Variants in CLEC17A observed in about 807,000 individuals in gnomAD.
The protein encoded by CLEC17A is C-type lectin domain family 17, member A.
In CLEC17A, 37 loss-of-function variants were observed where a neutral mutation model predicts 61.3. That is an observed-to-expected ratio of 0.60 (90% CI 0.46 to 0.79). CLEC17A has a LOEUF of 0.79. Among genes scored for constraint, CLEC17A ranks in the 30% least tolerant of loss-of-function variants. The probability of loss-of-function intolerance (pLI) is 0.00; values close to 1 mark genes in which losing one functional copy is unlikely to be tolerated. For synonymous variants in CLEC17A, 168 were observed against 164.9 expected (o/e 1.02, Z -0.14); for missense variants, 418 against 464.7 (o/e 0.90, Z 0.92).
At chr19:14,582,942 C>T, upstream of CLEC17A, 1 of 549,044 alleles carries the variant, frequency 1.8e-6, no homozygotes, top group Non-Finnish European at 3.3e-6. Context: ...TGAATCCAAA[C>T]TGGGGAGAAA....
intron 12 of CLEC17A, among the ~76,000 whole-genome samples, chr19:14,601,415 G>T (rs1243490241): frequency 6.6e-6 from 1 of 152,162 alleles, no homozygotes; most frequent in Admixed American, 6.6e-5. Flanking sequence ...TAGCTTTAAT[G>T]ATTTGCTACT....
intron 12 of CLEC17A, among the ~76,000 whole-genome samples, chr19:14,602,474 TG>T (rs938871542): frequency 6.6e-6 from 1 of 152,084 alleles, no homozygotes; most frequent in African/African-American, 2.4e-5. Context: ...TAACATTTTT[TG>T]TAGAGATGAG....
At chr19:14,583,541 C>T (rs1339622844) in intron 2 of CLEC17A, 107 bp downstream of exon 2, 1 of 1,551,876 alleles carries the variant, frequency 6.4e-7, no homozygotes, top group Non-Finnish European at 8.7e-7. Context: ...CTGTATCCAG[C>T]CCATGCCGGG....
intron 13 of CLEC17A, among the ~76,000 whole-genome samples, 199 bp from the exon 14 acceptor site, chr19:14,609,865 C>A (rs753928782): frequency 2.7e-4 from 41 of 151,086 alleles, no homozygotes; most frequent in Admixed American, 1.3e-3. Flanking sequence ...AAACAAAAAA[C>A]CCCCCAAAAC....
At chr19:14,595,437 G>T in intron 8 of CLEC17A, 122 bp downstream of exon 8, 1 of 1,059,088 alleles carries the variant, frequency 9.4e-7, no homozygotes, top group South Asian at 1.4e-5. Context: ...TTCAGGACCT[G>T]CTGCACTGTT....
Position 14,600,182 on chromosome 19 carries a change from C to T in CLEC17A, c.894C>T (p.His298=), listed in dbSNP as rs773707951. 43 of 1,613,836 alleles carry T rather than the reference C, an allele frequency of 2.7e-5. No individual in the cohort carries two copies. The highest frequency in any genetic ancestry group is 3.1e-5 in the Non-Finnish European group (37 of 1,179,748). ...TCATCATCAATAGCTTTGCTGAGCA[C>T]GTGAGTTCTTCCCACTGAACCTTTG... ...HLVIINSFAE[H]NFVAKAHGSP... The change falls in exon 12 of 14, where the codon CAC becomes CAT. Residue 298 remains histidine, a splice_region_variant and synonymous_variant. Coordinates refer to ENST00000417570, the MANE Select transcript of CLEC17A (RefSeq NM_001204118.2).
chr19:14,598,767 G>A (rs1263337104), intron 10 of CLEC17A, among the ~76,000 whole-genome samples: 6 of 152,054 alleles, frequency 3.9e-5, no homozygotes, highest in African/African-American at 1.4e-4. Context: ...GAGCCACTGC[G>A]CCCGGCCTAG....
upstream of CLEC17A, among the ~76,000 whole-genome samples, chr19:14,581,311 A>G (rs1000969202): frequency 1.3e-5 from 2 of 152,138 alleles, no homozygotes; most frequent in Non-Finnish European, 2.9e-5. Context: ...GGAACCACAG[A>G]AATAATAATT....
chr19:14,600,009 C>T (rs1343717478), intron 11 of CLEC17A, 22 bp from the exon 12 acceptor site: 1 of 1,611,956 alleles, frequency 6.2e-7, no homozygotes, highest in Non-Finnish European at 8.5e-7. Context: ...GCCATCCTGA[C>T]AGCATTCTGT....
rs200257988 is a variant in CLEC17A, at chr19:14,583,422, C to T, written c.109C>T (p.Pro37Ser). The change falls in exon 2 of 14, where the codon CCT becomes TCT. Residue 37 changes from proline to serine, a missense_variant. Physicochemically the swap from Pro to Ser is moderately conservative, Grantham distance 74. Transcript: ENST00000417570. ...ENSTPPYKDL[P>S]PKPGTMEEEE... Reference sequence around the variant, plus strand: ...CTCAACACCTCCCTACAAGGACCTTCCTCCCAAGCCAGGTAAGAGGACTTT... The same window carrying T: ...CTCAACACCTCCCTACAAGGACCTTTCTCCCAAGCCAGGTAAGAGGACTTT... 6.2e-7 allele frequency: 1 copy of T among 1,612,508 alleles called. No homozygotes were observed. The highest frequency in any genetic ancestry group is 8.5e-7 in the Non-Finnish European group (1 of 1,179,218).
At position 14,583,394 on chromosome 19, in the gene CLEC17A, G is replaced by A; in HGVS notation, c.81G>A (p.Glu27=). The A allele has an allele frequency of 6.2e-7, 1 of 1,612,412 alleles. No individual in the cohort carries two copies. Among genetic ancestry groups the A allele is most frequent in the Non-Finnish European group, 8.5e-7 (1 of 1,179,232 alleles). ...MEEEEEDDDY[E]NSTPPYKDLP... ...AGGAGGAGGAGGATGATGACTATGA[G>A]AACTCAACACCTCCCTACAAGGACC... The change falls in exon 2 of 14, where the codon GAG becomes GAA. Residue 27 remains glutamate (E), a synonymous_variant. Transcript: ENST00000417570.
At chr19:14,604,944 T>C (rs1198798562) in intron 12 of CLEC17A, among the ~76,000 whole-genome samples, 2 of 152,082 alleles carry the variant, frequency 1.3e-5, no homozygotes, top group African/African-American at 2.4e-5. Flanking sequence ...GGGGCGAGTG[T>C]TACTCACACC....
chr19:14,590,280 C>A (rs1306557785), intron 3 of CLEC17A, among the ~76,000 whole-genome samples: 1 of 151,836 alleles, frequency 6.6e-6, no homozygotes, highest in Non-Finnish European at 1.5e-5. Flanking sequence ...CTGATGACCT[C>A]GCTACATTAG....
intron 7 of CLEC17A, 69 bp downstream of exon 7, chr19:14,594,869 A>G (rs2074505581): frequency 7.2e-7 from 1 of 1,384,482 alleles, no homozygotes; most frequent in East Asian, 2.4e-5. Context: ...CAATCCCCCA[A>G]TTTTTATTTA....
chr19:14,605,395 C>T (rs1458017125), intron 12 of CLEC17A, among the ~76,000 whole-genome samples: 2 of 151,516 alleles, frequency 1.3e-5, no homozygotes, highest in Non-Finnish European at 2.9e-5. Flanking sequence ...CGCGCCCGGC[C>T]ACCTCCCCAC....
At chr19:14,604,881 A>C (rs905171017) in intron 12 of CLEC17A, among the ~76,000 whole-genome samples, 8 of 152,246 alleles carry the variant, frequency 5.3e-5, no homozygotes, top group African/African-American at 1.9e-4. Flanking sequence ...CACATGAAAT[A>C]GATTATAGTA....
intron 3 of CLEC17A, among the ~76,000 whole-genome samples, chr19:14,589,550 C>T (rs2074365394): frequency 8.0e-6 from 1 of 125,360 alleles, no homozygotes; most frequent in Non-Finnish European, 1.6e-5. Context: ...CCTACTACAC[C>T]CTCCCGAGTA....
chr19:14,610,347 G>A lies in CLEC17A; in HGVS notation c.*151G>A, dbSNP rs979835803. ...ACCCTGGATGCAGCAAGTTCCCAGG[G>A]GTGCAAGTCAGGCTGTTTCTAGAGT... On this transcript the variant is annotated 3_prime_UTR_variant, in exon 14 of 14. Coordinates refer to ENST00000417570, the MANE Select transcript of CLEC17A (RefSeq NM_001204118.2). 4 of 1,095,730 alleles carry A rather than the reference G, an allele frequency of 3.7e-6. No individual in the cohort carries two copies. The African/African-American group carries it at 4.7e-5, about 13-fold the overall frequency. The allele number at this position is 1,095,730 out of a possible 1,614,324, so 67.9% of individuals were successfully genotyped here.
chr19:14,593,743 G>A (rs550799426), intron 4 of CLEC17A, among the ~76,000 whole-genome samples: 12 of 145,250 alleles, frequency 8.3e-5, no homozygotes, highest in African/African-American at 2.5e-4. Flanking sequence ...GGTGGATCAC[G>A]AGGTCAGGAG....
Sources: gnomAD v4.1 joint callset for allele counts (sites outside exome capture counted in the v4.1 genomes callset) on GRCh38, gnomAD v4.1.1 for gene constraint, MANE v1.5 for transcripts, NCBI Gene and HGNC (gene_info 2026-07-23, HGNC 2026-07-21) for gene names.